FANCL: variants seen among roughly 807,000 people sequenced by gnomAD.
FANCL encodes the protein FA complementation group L.
FANCL carries 69 observed loss-of-function variants against 59.4 expected under a neutral mutation model. The ratio of observed to expected loss-of-function variants is 1.16; its 90% CI spans 0.96 to 1.42. The LOEUF (loss-of-function observed/expected upper bound fraction) is 1.42, where lower values mean the gene tolerates loss of function less well. Among genes scored for constraint, FANCL ranks in the 40% most tolerant of loss-of-function variants. The pLI is 0.00. For missense variants in FANCL, 519 were observed against 447.2 expected (o/e 1.16, Z -1.45); for synonymous variants, 180 against 147.1 (o/e 1.22, Z -1.62).
chr2:58,211,250 G>A (rs529755382), intron 5 of FANCL, among the ~76,000 whole-genome samples: 1 of 152,326 alleles, frequency 6.6e-6, no homozygotes, highest in South Asian at 2.1e-4. Flanking sequence ...GCACCCACAG[G>A]CTCAACAACA....
intron 1 of FANCL, among the ~76,000 whole-genome samples, chr2:58,234,392 A>G (rs1188922643): frequency 1.3e-5 from 2 of 152,026 alleles, no homozygotes; most frequent in Admixed American, 6.5e-5. Context: ...AAATTTAAAA[A>G]GAGTCCAAGG....
At chr2:58,240,828 C>G (rs1694457744) in intron 1 of FANCL, among the ~76,000 whole-genome samples, 1 of 152,202 alleles carries the variant, frequency 6.6e-6, no homozygotes, top group Admixed American at 6.5e-5. Context: ...AGCCCAGATT[C>G]CCGAGTGAAC....
chr2:58,212,083 C>T (rs1200249137), intron 5 of FANCL, among the ~76,000 whole-genome samples: 1 of 152,178 alleles, frequency 6.6e-6, no homozygotes, highest in Non-Finnish European at 1.5e-5. Flanking sequence ...TGTTTTCATG[C>T]TGCTGATAAA....
At chr2:58,221,057 C>CA (rs1162871887) in intron 5 of FANCL, among the ~76,000 whole-genome samples, 1 of 150,886 alleles carries the variant, frequency 6.6e-6, no homozygotes, top group African/African-American at 2.4e-5. Context: ...ACTAAAAATA[C>CA]AAAAAATTAG....
intron 7 of FANCL, among the ~76,000 whole-genome samples, chr2:58,169,760 C>G (rs1447243939): frequency 6.6e-6 from 1 of 151,674 alleles, no homozygotes; most frequent in Admixed American, 6.6e-5. Context: ...GAAGCATACA[C>G]AAGTATCAAT....
intron 7 of FANCL, among the ~76,000 whole-genome samples, chr2:58,166,641 AAC>A (rs556417676): frequency 7.2e-5 from 11 of 152,374 alleles, no homozygotes; most frequent in South Asian, 6.2e-4. Flanking sequence ...ACAAAATCAA[AAC>A]AGTTTAATAA....
chr2:58,168,997 G>T (rs1481502812), intron 7 of FANCL, among the ~76,000 whole-genome samples: 1 of 152,174 alleles, frequency 6.6e-6, no homozygotes. Flanking sequence ...AGAGCACGTG[G>T]GGAAAGGGGC....
intron 6 of FANCL, among the ~76,000 whole-genome samples, chr2:58,203,848 A>C (rs1385816633): frequency 2.0e-5 from 3 of 152,076 alleles, no homozygotes; most frequent in Non-Finnish European, 2.9e-5. Flanking sequence ...GTAGGATGTT[A>C]CAAAATTAAC....
chr2:58,235,016 T>C (rs1349764401), intron 1 of FANCL, among the ~76,000 whole-genome samples: 2 of 152,024 alleles, frequency 1.3e-5, no homozygotes, highest in African/African-American at 4.8e-5. Flanking sequence ...TGTCTGGTTC[T>C]ATGATGGGAG....
Position 58,179,111 on chromosome 2 carries a change from T to A in FANCL, c.541-13237A>T, listed in dbSNP as rs1687661616. On this transcript the variant is annotated intron_variant, in intron 7 of 13. Coordinates refer to ENST00000233741, the MANE Select transcript of FANCL (RefSeq NM_018062.4). ...CACAAACAAATGGAAAAACATTCCA[T>A]ATTCATGGATAGGAAGAATCAATAT... 2.0e-5 allele frequency among the ~76,000 whole-genome samples: 3 copies of A among 152,182 alleles called. No individual in the cohort carries two copies. The South Asian group carries it at 6.2e-4, about 32-fold the overall frequency.
Position 58,194,768 on chromosome 2 carries a change from T to C in FANCL, c.540+3826A>G, listed in dbSNP as rs375024937. The stretch of plus-strand genomic sequence containing the variant: ...CTTGACATTGTGCAAGTTATAATTA[T>C]TCATCCAAATGAATATGTCAGAGCA... On this transcript the variant is annotated intron_variant, in intron 7 of 13. Coordinates refer to ENST00000233741, the MANE Select transcript of FANCL (RefSeq NM_018062.4). Among the ~76,000 whole-genome samples, 5 of 151,972 alleles carry C rather than the reference T, an allele frequency of 3.3e-5. 1 individual carries two copies. The highest frequency in any genetic ancestry group is 1.2e-4 in the African/African-American group (5 of 41,468).
At chr2:58,231,495 G>A (rs1286440853) in intron 2 of FANCL, among the ~76,000 whole-genome samples, 3 of 151,996 alleles carry the variant, frequency 2.0e-5, no homozygotes, top group African/African-American at 4.8e-5. Context: ...CACTTCTGTT[G>A]GTCACAAAAT....
At chr2:58,209,439 G>A (rs1690916088) in intron 5 of FANCL, among the ~76,000 whole-genome samples, 1 of 151,736 alleles carries the variant, frequency 6.6e-6, no homozygotes, top group African/African-American at 2.4e-5. Flanking sequence ...TATGTATGAA[G>A]AAAAATCATC....
chr2:58,229,142 C>T (rs3771222), intron 3 of FANCL, among the ~76,000 whole-genome samples: 11,860 of 152,020 alleles, frequency 0.078, 608 homozygotes, highest in East Asian at 0.2. Flanking sequence ...AGATAATAAC[C>T]TGCCTTTAAG....
intron 6 of FANCL, among the ~76,000 whole-genome samples, chr2:58,201,464 T>A (rs1690018627): frequency 6.6e-6 from 1 of 151,916 alleles, no homozygotes. Context: ...TAAAACAAAT[T>A]TTAACCAAGT....
chr2:58,226,890 A>G (rs1242157488), intron 3 of FANCL, 106 bp from the exon 4 acceptor site: 7 of 889,246 alleles, frequency 7.9e-6, no homozygotes, highest in Admixed American at 2.2e-5. Context: ...AAGATTAGCT[A>G]TATCTACATC....
chr2:58,177,336 G>T (rs1687436902), intron 7 of FANCL, among the ~76,000 whole-genome samples: 2 of 152,078 alleles, frequency 1.3e-5, no homozygotes, highest in African/African-American at 2.4e-5. Flanking sequence ...GCACATCTAT[G>T]TTTATTGCAG....
intron 7 of FANCL, among the ~76,000 whole-genome samples, chr2:58,180,660 A>T (rs914240424): frequency 6.6e-6 from 1 of 152,142 alleles, no homozygotes; most frequent in Admixed American, 6.5e-5. Flanking sequence ...TACCTATGTA[A>T]CAAACCTGCA....
chr2:58,163,204 A>C (rs1412381002), intron 9 of FANCL, 130 bp from the exon 10 acceptor site: 3 of 836,320 alleles, frequency 3.6e-6, no homozygotes, highest in Non-Finnish European at 5.7e-6. Flanking sequence ...GTTAAAAAAC[A>C]AAATTATACA....
Sources: allele counts gnomAD v4.1 joint callset (sites outside exome capture counted in the v4.1 genomes callset), GRCh38; gene constraint gnomAD v4.1.1; transcripts MANE v1.5; gene names NCBI Gene and HGNC (gene_info 2026-07-23, HGNC 2026-07-21).